Variants in HSDL2 observed in about 807,000 individuals in gnomAD.
HSDL2 encodes the protein hydroxysteroid dehydrogenase-like protein 2.
A neutral mutation model predicts 46.3 loss-of-function variants in HSDL2; 27 were observed. The ratio of observed to expected loss-of-function variants is 0.58; its 90% CI spans 0.43 to 0.80. HSDL2 has a LOEUF of 0.80. HSDL2 is among the 30% of genes least tolerant of loss of function. The probability of loss-of-function intolerance (pLI) is 0.00; values close to 1 mark genes in which losing one functional copy is unlikely to be tolerated. For synonymous variants in HSDL2, 153 were observed against 163.6 expected (o/e 0.94, Z 0.50); for missense variants, 451 against 502.7 (o/e 0.90, Z 0.98).
chr9:112,406,798 C>T (rs1831741235), intron 3 of HSDL2, among the ~76,000 whole-genome samples: 1 of 152,146 alleles, frequency 6.6e-6, no homozygotes, highest in Non-Finnish European at 1.5e-5. Context: ...TCATTTGATC[C>T]TTATCTTGTA....
intron 3 of HSDL2, among the ~76,000 whole-genome samples, chr9:112,408,400 T>C (rs1187390036): frequency 6.6e-6 from 1 of 152,180 alleles, no homozygotes; most frequent in Non-Finnish European, 1.5e-5. Context: ...GTGACAATCA[T>C]GCAGGTGCTA....
At chr9:112,392,731 T>C (rs770645802) in intron 1 of HSDL2, among the ~76,000 whole-genome samples, 15 of 152,204 alleles carry the variant, frequency 9.9e-5, no homozygotes, top group African/African-American at 2.7e-4. Context: ...TTTCAAGGTG[T>C]GCTGATTTCA....
intron 8 of HSDL2, among the ~76,000 whole-genome samples, chr9:112,444,260 C>A (rs1239189958): frequency 1.3e-5 from 2 of 152,204 alleles, no homozygotes; most frequent in African/African-American, 2.4e-5. Flanking sequence ...CCATGTGTAT[C>A]CCTTGTTTCC....
At position 112,404,069 on chromosome 9, in the gene HSDL2, C is replaced by A; in HGVS notation, c.92C>A (p.Ala31Glu). The change falls in exon 2 of 11, where the codon GCA becomes GAA. Residue 31 changes from alanine to glutamate, a missense_variant. Transcript: ENST00000398805. ...GIGKAIALKA[A>E]KDGANIVIAA... Reference sequence around the variant, plus strand: ...GGCAAAGCTATTGCATTGAAAGCAGCAAAGGATGGAGCAAATATTGTTATT... The same window carrying A: ...GGCAAAGCTATTGCATTGAAAGCAGAAAAGGATGGAGCAAATATTGTTATT... 1 of 1,614,134 alleles carries A rather than the reference C, an allele frequency of 6.2e-7. No individual in the cohort carries two copies. The highest frequency in any genetic ancestry group is 8.5e-7 in the Non-Finnish European group (1 of 1,179,992).
Position 112,380,157 on chromosome 9 carries a change from GA to G in HSDL2, c.-4del. On this transcript the variant is annotated 5_prime_UTR_variant, in exon 1 of 11. Transcript: ENST00000398805. The stretch of plus-strand genomic sequence containing the variant: ...GTCGCCGCCACCTCCTCTGATCTAC[GA>G]AAGTCATGTTACCCAACACCGGGTA... 6.4e-7 allele frequency: 1 copy of G among 1,572,608 alleles called. No individual in the cohort carries two copies. The highest frequency in any genetic ancestry group is 8.6e-7 in the Non-Finnish European group (1 of 1,158,066).
chr9:112,381,094 C>CACACACACACAT lies in HSDL2; in HGVS notation c.17+925_17+926insTACACACACACA, dbSNP rs1379819416. ...TAATTTGTATACATCCGGATACACA[C>CACACACACACAT]ACACACACACACACACACACACATA... is the stretch of plus-strand genomic sequence containing the variant. On this transcript the variant is annotated intron_variant, in intron 1 of 10. Coordinates refer to ENST00000398805, the MANE Select transcript of HSDL2 (RefSeq NM_032303.5). Among the ~76,000 whole-genome samples, 16 of 136,522 alleles carry CACACACACACAT rather than the reference C, an allele frequency of 1.2e-4. No individual in the cohort carries two copies. In the East Asian group the frequency reaches 1.2e-3, roughly 10 times the overall value. The allele number at this position is 136,522 out of a possible 152,430, so 89.6% of individuals were successfully genotyped here.
intron 8 of HSDL2, among the ~76,000 whole-genome samples, chr9:112,453,266 A>G (rs1217647376): frequency 2.0e-5 from 3 of 152,172 alleles, no homozygotes; most frequent in Non-Finnish European, 4.4e-5. Flanking sequence ...CACAGCTGAT[A>G]TTTTGATTTC....
rs1222272561 is a variant in HSDL2 at position 112,403,929 on chromosome 9, G to GTATA, written c.18-65_18-64insATAT. On this transcript the variant is annotated intron_variant, in intron 1 of 10. Transcript: ENST00000398805. ...CATATATTATGAAAATATGCATGAGGTTCTGATACCTGTCAGTAAATAAAA... is the reference window on the plus strand; with the variant it reads ...CATATATTATGAAAATATGCATGAGGTATATTCTGATACCTGTCAGTAAATAAAA... The GTATA allele has an allele frequency of 5.3e-6, 8 of 1,499,558 alleles. No individual in the cohort carries two copies. The Admixed American group carries it at 1.5e-4, about 28-fold the overall frequency. 92.9% of individuals were successfully genotyped at this position (1,499,558 alleles called of 1,614,324 possible).
At chr9:112,406,425 C>T (rs1232381857) in intron 3 of HSDL2, among the ~76,000 whole-genome samples, 1 of 152,042 alleles carries the variant, frequency 6.6e-6, no homozygotes, top group Non-Finnish European at 1.5e-5. Context: ...AGTCAGTTCC[C>T]TCACCATGCC....
At chr9:112,395,531 A>C (rs937951439) in intron 1 of HSDL2, among the ~76,000 whole-genome samples, 1 of 152,240 alleles carries the variant, frequency 6.6e-6, no homozygotes, top group Non-Finnish European at 1.5e-5. Flanking sequence ...TCCCTGAGGA[A>C]GTACTTTCCA....
intron 1 of HSDL2, among the ~76,000 whole-genome samples, chr9:112,397,672 T>G (rs976669908): frequency 1.3e-5 from 2 of 152,110 alleles, no homozygotes; most frequent in Non-Finnish European, 2.9e-5. Context: ...TCAGCCCAAT[T>G]TAGCTGAGCC....
Position 112,445,821 on chromosome 9 carries a change from G to T in HSDL2, c.865+4051G>T, listed in dbSNP as rs139583252. On this transcript the variant is annotated intron_variant, in intron 8 of 10. Transcript: ENST00000398805. ...TTACAGGCATGAGCCACTGTGCCTG[G>T]CCAAAGCTTTATTTTTTTTTATAGC... Among the ~76,000 whole-genome samples the T allele has an allele frequency of 2.6e-3, 336 of 127,046 alleles. 1 individual carries two copies. The highest frequency in any genetic ancestry group is 9.1e-3 in the African/African-American group (319 of 34,874). 83.3% of individuals were successfully genotyped at this position (127,046 alleles called of 152,430 possible).
At chr9:112,384,389 CT>C (rs1286060535) in intron 1 of HSDL2, among the ~76,000 whole-genome samples, 2 of 151,876 alleles carry the variant, frequency 1.3e-5, no homozygotes, top group African/African-American at 2.4e-5. Flanking sequence ...GTTATGTTTG[CT>C]TTTTTTTCTG....
intron 6 of HSDL2, among the ~76,000 whole-genome samples, chr9:112,427,781 A>G (rs1404043933): frequency 6.6e-6 from 1 of 152,074 alleles, no homozygotes; most frequent in Non-Finnish European, 1.5e-5. Context: ...ATATTAGTAT[A>G]TTGTTTATTC....
chr9:112,460,061 G>T (rs976157134), intron 10 of HSDL2, among the ~76,000 whole-genome samples: 4 of 152,154 alleles, frequency 2.6e-5, no homozygotes, highest in African/African-American at 9.7e-5. Context: ...AACCTTTTGT[G>T]TGATTTTCTA....
chr9:112,390,098 AAAG>A (rs1323180001), intron 1 of HSDL2, among the ~76,000 whole-genome samples: 1 of 150,534 alleles, frequency 6.6e-6, no homozygotes, highest in African/African-American at 2.4e-5. Flanking sequence ...ATAAATAAAT[AAAG>A]TAAAAAATAA....
intron 4 of HSDL2, among the ~76,000 whole-genome samples, chr9:112,415,649 G>GCC (rs1347294496): frequency 3.3e-5 from 5 of 152,160 alleles, no homozygotes; most frequent in African/African-American, 1.2e-4. Context: ...GATAACCTCA[G>GCC]TTGGGCTTAA....
In HSDL2 at chr9:112,466,906, A is replaced by G. The variant is rs144074261; in HGVS notation, c.1145-3526A>G. Among the ~76,000 whole-genome samples, 175 of 152,340 alleles carry G rather than the reference A, an allele frequency of 1.1e-3. 1 individual carries two copies. The highest frequency in any genetic ancestry group is 3.8e-3 in the African/African-American group (160 of 41,576). ...TTGTATGTGGATATCCAGTTATCCC[A>G]GCACCATTTGTTGAATAGACTGTTC... On this transcript the variant is annotated intron_variant, in intron 10 of 10. Transcript: ENST00000398805.
intron 1 of HSDL2, among the ~76,000 whole-genome samples, chr9:112,403,632 A>G (rs1240502767): frequency 6.6e-6 from 1 of 152,138 alleles, no homozygotes; most frequent in Non-Finnish European, 1.5e-5. Flanking sequence ...AAATTTGCTC[A>G]TAATCCCACC....
Sources: allele counts gnomAD v4.1 joint callset (sites outside exome capture counted in the v4.1 genomes callset), GRCh38; gene constraint gnomAD v4.1.1; transcripts MANE v1.5; gene names NCBI Gene and HGNC (gene_info 2026-07-23, HGNC 2026-07-21).